The following PRDM11 variants were observed in gnomAD, a reference collection of about 807,000 sequenced individuals.
The protein encoded by PRDM11 is PR domain-containing protein 11.
A neutral mutation model predicts 97.8 loss-of-function variants in PRDM11; 20 were observed. The ratio of observed to expected loss-of-function variants is 0.20; its 90% CI spans 0.14 to 0.30. The LOEUF (loss-of-function observed/expected upper bound fraction) is 0.30. Ranked by LOEUF, PRDM11 falls within the 10% of genes least tolerant of loss-of-function variation. The pLI is 1.00. For synonymous variants in PRDM11, 599 were observed against 637.7 expected, an observed-to-expected ratio of 0.94 and a Z score of 0.91; for missense variants, 1,139 against 1,555.2, an observed-to-expected ratio of 0.73 and a Z score of 4.50.
intron 1 of PRDM11, among the ~76,000 whole-genome samples, chr11:45,156,451 C>T (rs567742763): frequency 2.0e-5 from 3 of 152,324 alleles, no homozygotes; most frequent in African/African-American, 7.2e-5. Flanking sequence ...CACAGTGGCT[C>T]TGCCAGGCAA....
intron 1 of PRDM11, among the ~76,000 whole-genome samples, chr11:45,150,773 G>A (rs1851639976): frequency 6.6e-6 from 1 of 152,182 alleles, no homozygotes; most frequent in East Asian, 1.9e-4. Context: ...GGAGATCTGG[G>A]GAAGATGAAG....
intron 5 of PRDM11, chr11:45,213,510 TC>T: frequency 2.2e-6 from 1 of 456,426 alleles, no homozygotes; most frequent in Middle Eastern, 3.3e-4. Flanking sequence ...GGGTCTACCC[TC>T]CCTTGCCCGG....
intron 4 of PRDM11, among the ~76,000 whole-genome samples, chr11:45,202,906 C>T (rs1474271702): frequency 6.6e-6 from 1 of 152,136 alleles, no homozygotes; most frequent in Non-Finnish European, 1.5e-5. Flanking sequence ...TCTAGGCTCA[C>T]CCTCAGGGCA....
intron 4 of PRDM11, among the ~76,000 whole-genome samples, chr11:45,203,450 T>C (rs188466557): frequency 2.1e-5 from 3 of 140,546 alleles, no homozygotes; most frequent in African/African-American, 7.9e-5. Context: ...ACAAAGAAAG[T>C]TGGAAAAACC....
chr11:45,220,669 C>T (rs897502434), intron 6 of PRDM11, among the ~76,000 whole-genome samples: 8 of 152,172 alleles, frequency 5.3e-5, no homozygotes, highest in South Asian at 2.1e-4. Context: ...CTGGGTTCCT[C>T]CTGGTGTCTG....
At chr11:45,119,655 G>A (rs1046253728) in intron 1 of PRDM11, among the ~76,000 whole-genome samples, 2 of 142,730 alleles carry the variant, frequency 1.4e-5, no homozygotes, top group Admixed American at 7.0e-5. Flanking sequence ...AAAAACACCT[G>A]GTAAGGCCAT....
rs78469981 is a variant in PRDM11, at chr11:45,164,184, C to T, written c.-7+17307C>T. ...GACTCCCCAGCACCCCGCGGGTCCC[C>T]GGTGGAGTGTATCCAGCATCCTTTA... On this transcript the variant is annotated intron_variant, in intron 1 of 7. Transcript: ENST00000683152. Among the ~76,000 whole-genome samples the T allele has an allele frequency of 3.3e-5, 5 of 152,192 alleles. No homozygotes were observed. In the East Asian group the frequency reaches 5.8e-4, roughly 18 times the overall value.
At chr11:45,208,950 G>T (rs1375085168) in intron 5 of PRDM11, 4 of 456,626 alleles carry the variant, frequency 8.8e-6, no homozygotes, top group Admixed American at 7.0e-5. Context: ...TGTCACAGAG[G>T]TGACCCACCA....
At chr11:45,140,909 C>T (rs1003142163) in intron 1 of PRDM11, among the ~76,000 whole-genome samples, 1 of 152,154 alleles carries the variant, frequency 6.6e-6, no homozygotes, top group Non-Finnish European at 1.5e-5. Flanking sequence ...GGAGACTGAA[C>T]AAGTGCTGGA....
chr11:45,166,104 A>G (rs1852057813), intron 1 of PRDM11, among the ~76,000 whole-genome samples: 1 of 152,242 alleles, frequency 6.6e-6, no homozygotes, highest in Non-Finnish European at 1.5e-5. Context: ...GTCAAACAAG[A>G]GTAGTCAAAA....
chr11:45,140,087 A>G (rs901705416), intron 1 of PRDM11, among the ~76,000 whole-genome samples: 1 of 152,248 alleles, frequency 6.6e-6, no homozygotes, highest in African/African-American at 2.4e-5. Context: ...TGCATAAAAG[A>G]AAAAGGACAT....
At position 45,158,970 on chromosome 11, in the gene PRDM11, G is replaced by A. The variant is rs1010797786; in HGVS notation, c.-7+12093G>A. On this transcript the variant is annotated intron_variant, in intron 1 of 7. Coordinates refer to ENST00000683152, the MANE Select transcript of PRDM11 (RefSeq NM_001384648.1). ...TGGCTTCTCCCGGGGACTGTGCTCC[G>A]CCCTCCCTCTCCTTGAGCCCCCCCT... is the stretch of plus-strand genomic sequence containing the variant. Among the ~76,000 whole-genome samples, 8 of 152,036 alleles carry A rather than the reference G, an allele frequency of 5.3e-5. No individual in the cohort carries two copies. The East Asian group carries it at 1.2e-3, about 22-fold the overall frequency.
At chr11:45,204,812 T>C (rs756287902) in intron 5 of PRDM11, 34 bp downstream of exon 5, 2 of 1,577,554 alleles carry the variant, frequency 1.3e-6, no homozygotes, top group African/African-American at 2.7e-5. Flanking sequence ...CCGGGGGTCT[T>C]GCCTGGCCTC....
intron 4 of PRDM11, among the ~76,000 whole-genome samples, chr11:45,202,752 GGCC>G (rs1180313681): frequency 6.6e-6 from 1 of 150,608 alleles, no homozygotes; most frequent in Admixed American, 6.6e-5. Flanking sequence ...AGGAGAGAGA[GGCC>G]TGAGACAAAT....
At chr11:45,103,696 T>C (rs1054406044) in intron 1 of PRDM11, among the ~76,000 whole-genome samples, 5 of 149,176 alleles carry the variant, frequency 3.4e-5, no homozygotes, top group African/African-American at 1.2e-4. Context: ...TGTACTTTAC[T>C]GTATATATAA....
chr11:45,161,039 A>C (rs1851915292), intron 1 of PRDM11, among the ~76,000 whole-genome samples: 2 of 152,130 alleles, frequency 1.3e-5, no homozygotes, highest in Admixed American at 1.3e-4. Context: ...GCCGCAGTTC[A>C]AATCCTGGCT....
chr11:45,225,196 A>AG (rs1487601062), intron 7 of PRDM11: 4 of 1,176,282 alleles, frequency 3.4e-6, no homozygotes, highest in Non-Finnish European at 4.4e-6. Flanking sequence ...AGTCTCAAGC[A>AG]GGGTGTCCCA....
At chr11:45,209,073 G>A (rs779448869) in intron 5 of PRDM11, 8 of 456,594 alleles carry the variant, frequency 1.8e-5, no homozygotes, top group Middle Eastern at 3.2e-4. Context: ...GCCCCGCTCC[G>A]TCAAGGACAT....
chr11:45,147,398 A>T (rs1044893579), intron 1 of PRDM11: 3 of 152,080 alleles, frequency 2.0e-5, no homozygotes, highest in Non-Finnish European at 2.9e-5. Context: ...GTGCTCGGGG[A>T]TGAAGGTGGG....
Sources: allele counts gnomAD v4.1 joint callset (sites outside exome capture counted in the v4.1 genomes callset), GRCh38; gene constraint gnomAD v4.1.1; transcripts MANE v1.5; gene names NCBI Gene and HGNC (gene_info 2026-07-23, HGNC 2026-07-21).